WDR1: variants seen among roughly 807,000 people sequenced by gnomAD.
WDR1 encodes WD repeat domain 1, also known as WD repeat-containing protein 1.
Under a neutral mutation model 71.9 loss-of-function variants are expected in WDR1, and 21 were observed. The ratio of observed to expected loss-of-function variants is 0.29; its 90% CI spans 0.21 to 0.42. The LOEUF (loss-of-function observed/expected upper bound fraction) is 0.42, where lower values mean the gene tolerates loss of function less well. WDR1 is among the 10% of genes least tolerant of loss of function. The pLI is 1.00. For missense variants in WDR1, 696 were observed against 824.5 expected, an observed-to-expected ratio of 0.84 and a Z score of 1.91; for synonymous variants, 424 against 347.4, an observed-to-expected ratio of 1.22 and a Z score of -2.45.
At chr4:10,115,517 T>C (rs1047369638) in intron 2 of WDR1, among the ~76,000 whole-genome samples, 3 of 152,212 alleles carry the variant, frequency 2.0e-5, no homozygotes, top group African/African-American at 2.4e-5. Context: ...ACCAGGGTAT[T>C]AACAGCGAGT....
intron 11 of WDR1, 71 bp from the exon 12 acceptor site, chr4:10,079,072 C>A: frequency 7.7e-7 from 1 of 1,290,566 alleles, no homozygotes; most frequent in Non-Finnish European, 1.1e-6. Flanking sequence ...GTAGGAGGGG[C>A]GCGTCCCTGT....
intron 1 of WDR1, 157 bp downstream of exon 1, chr4:10,116,494 T>C: frequency 1.7e-6 from 1 of 586,944 alleles, no homozygotes; most frequent in African/African-American, 2.0e-5. Flanking sequence ...GGTCCCGCCC[T>C]GCACCACCGA....
chr4:10,098,958 A>G, intron 4 of WDR1, 34 bp downstream of exon 4: 1 of 1,613,186 alleles, frequency 6.2e-7, no homozygotes, highest in Admixed American at 1.7e-5. Context: ...AGCCACAGCA[A>G]CAGGGCAGGG....
At chr4:10,078,666 G>A in intron 12 of WDR1, 1 of 492,628 alleles carries the variant, frequency 2.0e-6, no homozygotes, top group South Asian at 2.5e-5. Context: ...CACCCGGGCA[G>A]TGAGGTGGGG....
intron 8 of WDR1, among the ~76,000 whole-genome samples, chr4:10,086,611 C>G (rs1711585605): frequency 6.6e-6 from 1 of 152,220 alleles, no homozygotes; most frequent in Admixed American, 6.5e-5. Context: ...GGGGGCTGCT[C>G]CAGGCTGGCC....
intron 13 of WDR1, 42 bp downstream of exon 13, chr4:10,077,711 C>A: frequency 4.0e-6 from 6 of 1,512,532 alleles, no homozygotes; most frequent in Non-Finnish European, 5.3e-6. Flanking sequence ...GCCACCTGCA[C>A]CGCCCAGCAC....
chr4:10,111,170 G>T (rs574288541), intron 2 of WDR1, among the ~76,000 whole-genome samples: 1 of 152,330 alleles, frequency 6.6e-6, no homozygotes, highest in East Asian at 1.9e-4. Flanking sequence ...TGGCTCCAGT[G>T]GCCTTCAGAG....
intron 14 of WDR1, chr4:10,076,985 G>A (rs1764821045): frequency 6.0e-6 from 2 of 334,130 alleles, no homozygotes; most frequent in South Asian, 1.1e-4. Flanking sequence ...CACTGGACGT[G>A]GCTGTCTTAG....
chr4:10,116,012 C>T, intron 2 of WDR1, 101 bp downstream of exon 2: 1 of 1,490,826 alleles, frequency 6.7e-7, no homozygotes, highest in Non-Finnish European at 9.1e-7. Flanking sequence ...CTCACCCTCC[C>T]CGGGCCAATG....
intron 2 of WDR1, among the ~76,000 whole-genome samples, chr4:10,112,446 C>A (rs1014096104): frequency 6.6e-6 from 1 of 152,178 alleles, no homozygotes; most frequent in Non-Finnish European, 1.5e-5. Context: ...TACATGGCCA[C>A]CATTATAGTC....
chr4:10,099,893 C>T (rs770878761), intron 3 of WDR1, among the ~76,000 whole-genome samples: 34 of 152,280 alleles, frequency 2.2e-4, no homozygotes, highest in African/African-American at 3.1e-4. Context: ...CTCTTCTCAC[C>T]GGAGCGTGGG....
chr4:10,079,073 G>A (rs1764912218), intron 11 of WDR1, 72 bp from the exon 12 acceptor site: 5 of 1,286,754 alleles, frequency 3.9e-6, no homozygotes, highest in South Asian at 2.8e-5. Context: ...TAGGAGGGGC[G>A]CGTCCCTGTC....
In WDR1 at chr4:10,116,655, C is replaced by T. The variant is rs1713760849; in HGVS notation, c.12G>A (p.Glu4=). The part of the protein sequence containing the change: MPY[E]IKKVFASLPQ... ...GCCCCGCGCCGCGGCACTTACTGAT[C>T]TCGTACGGCATCCTCGCCCACTTGT... The change falls in exon 1 of 15, where the codon GAG becomes GAA. Residue 4 remains glutamate (E), a synonymous_variant. Coordinates refer to ENST00000499869, the MANE Select transcript of WDR1 (RefSeq NM_017491.5). The T allele has an allele frequency of 7.5e-7, 1 of 1,337,864 alleles. No individual in the cohort carries two copies. The highest frequency in any genetic ancestry group is 9.6e-7 in the Non-Finnish European group (1 of 1,036,982). 82.9% of individuals were successfully genotyped at this position (1,337,864 alleles called of 1,614,324 possible). A position where few individuals can be genotyped will look rare whatever the true frequency, so the allele number is the denominator to read the frequency against.
chr4:10,075,823 C>T (rs559694433), intron 14 of WDR1: 60 of 376,390 alleles, frequency 1.6e-4, no homozygotes, highest in Middle Eastern at 8.4e-4. Context: ...TGTATAAAAG[C>T]GATGACATGC....
At chr4:10,110,366 C>T (rs1442923628) in intron 2 of WDR1, among the ~76,000 whole-genome samples, 1 of 152,218 alleles carries the variant, frequency 6.6e-6, no homozygotes, top group African/African-American at 2.4e-5. Flanking sequence ...GCAAGGCCAT[C>T]TCTCCAGTAG....
At chr4:10,079,507 G>A (rs1345802362) in intron 11 of WDR1, among the ~76,000 whole-genome samples, 1 of 152,202 alleles carries the variant, frequency 6.6e-6, no homozygotes, top group Non-Finnish European at 1.5e-5. Flanking sequence ...GCCGGGACTC[G>A]CCCAGAATCC....
intron 10 of WDR1, among the ~76,000 whole-genome samples, chr4:10,081,853 C>T (rs571296627): frequency 1.3e-4 from 20 of 152,152 alleles, no homozygotes; most frequent in Non-Finnish European, 2.6e-4. Flanking sequence ...TTTAAGAATC[C>T]GTTACCTTTA....
chr4:10,089,239 G>C (rs998949413), intron 5 of WDR1, among the ~76,000 whole-genome samples: 1 of 152,208 alleles, frequency 6.6e-6, no homozygotes. Flanking sequence ...CTCCCGAGTA[G>C]CTGGGACGAC....
intron 5 of WDR1, among the ~76,000 whole-genome samples, chr4:10,095,681 G>A (rs756195581): frequency 4.6e-5 from 7 of 152,296 alleles, no homozygotes; most frequent in South Asian, 2.1e-4. Flanking sequence ...CTTCCTATGC[G>A]TGGGCAGTTG....
Sources: gnomAD v4.1 joint callset for allele counts (sites outside exome capture counted in the v4.1 genomes callset) on GRCh38, gnomAD v4.1.1 for gene constraint, MANE v1.5 for transcripts, NCBI Gene and HGNC (gene_info 2026-07-23, HGNC 2026-07-21) for gene names.